Variants in CKAP5 observed in about 807,000 individuals in gnomAD.
CKAP5 encodes cytoskeleton-associated protein 5.
Under a neutral mutation model 232.8 loss-of-function variants are expected in CKAP5, and 27 were observed. The ratio of observed to expected loss-of-function variants is 0.12; its 90% confidence interval spans 0.09 to 0.16. The LOEUF is 0.16. CKAP5 is among the 10% of genes least tolerant of loss of function. The pLI is 1.00. For synonymous variants in CKAP5, 785 were observed against 841.1 expected (o/e 0.93, Z 1.16); for missense variants, 1,838 against 2,424.7 (o/e 0.76, Z 5.08).
At chr11:46,796,633 G>C (rs1160087681) in intron 12 of CKAP5, among the ~76,000 whole-genome samples, 179 bp downstream of exon 12, 2 of 151,924 alleles carry the variant, frequency 1.3e-5, no homozygotes, top group Admixed American at 6.6e-5. Context: ...AAGTACCAGA[G>C]AGCATCCTCC....
At chr11:46,836,061 T>C (rs1007838759) in intron 1 of CKAP5, among the ~76,000 whole-genome samples, 1 of 152,142 alleles carries the variant, frequency 6.6e-6, no homozygotes, top group Admixed American at 6.5e-5. Context: ...CTCCTCAAAA[T>C]GGTCATGGTC....
intron 1 of CKAP5, among the ~76,000 whole-genome samples, chr11:46,825,237 T>G (rs1469145102): frequency 6.6e-6 from 1 of 152,180 alleles, no homozygotes; most frequent in East Asian, 1.9e-4. Flanking sequence ...AAATAACAAA[T>G]TTCCTATTAA....
intron 35 of CKAP5, among the ~76,000 whole-genome samples, chr11:46,757,651 G>A (rs1221286293): frequency 1.3e-5 from 2 of 149,100 alleles, no homozygotes; most frequent in African/African-American, 4.9e-5. Flanking sequence ...ACACTGGCAC[G>A]ATTTCGGCTC....
chr11:46,745,517 C>T (rs1240158064), intron 42 of CKAP5, among the ~76,000 whole-genome samples: 1 of 152,170 alleles, frequency 6.6e-6, no homozygotes, highest in Non-Finnish European at 1.5e-5. Context: ...TGAACATCCC[C>T]AAAAAGGGCT....
In CKAP5 at chr11:46,762,200, G is replaced by A; in HGVS notation, c.4028-7C>T. On this transcript the variant is annotated splice_polypyrimidine_tract_variant and splice_region_variant and intron_variant, in intron 31 of 43. Coordinates refer to ENST00000529230, the MANE Select transcript of CKAP5 (RefSeq NM_001008938.4). ...CCCAGCTCTTCCAGGCACTCTGATG[G>A]GGGAGAAAGGCTAGATTAATGAGAC... 6.2e-7 allele frequency: 1 copy of A among 1,612,440 alleles called. No individual in the cohort carries two copies. The highest frequency in any genetic ancestry group is 8.5e-7 in the Non-Finnish European group (1 of 1,179,122).
chr11:46,826,657 C>G (rs1314921202), intron 1 of CKAP5: 2 of 152,348 alleles, frequency 1.3e-5, no homozygotes, highest in East Asian at 3.8e-4. Context: ...TACGCTCTTT[C>G]GCCGCCTTAG....
intron 16 of CKAP5, 62 bp from the exon 17 acceptor site, chr11:46,784,735 T>C (rs1013887855): frequency 1.8e-5 from 22 of 1,243,648 alleles, no homozygotes; most frequent in Non-Finnish European, 2.3e-5. Flanking sequence ...TATTTACTTG[T>C]ATTAACAGCA....
intron 42 of CKAP5, among the ~76,000 whole-genome samples, chr11:46,749,503 TATC>T (rs909884756): frequency 1.4e-5 from 2 of 147,632 alleles, no homozygotes; most frequent in Admixed American, 1.4e-4. Context: ...CAGGTGGAGA[TATC>T]ATGTAGGATA....
chr11:46,764,440 T>C (rs1303699118), intron 28 of CKAP5, among the ~76,000 whole-genome samples: 1 of 152,172 alleles, frequency 6.6e-6, no homozygotes, highest in Non-Finnish European at 1.5e-5. Context: ...CAAACAGTGA[T>C]ACACACATAT....
At chr11:46,771,841 T>C (rs1388055932) in intron 24 of CKAP5, among the ~76,000 whole-genome samples, 1 of 152,238 alleles carries the variant, frequency 6.6e-6, no homozygotes, top group African/African-American at 2.4e-5. Flanking sequence ...TTTAGTTTTA[T>C]AAGAAAATAC....
chr11:46,830,440 C>CAAAAAAA (rs71042623), intron 1 of CKAP5, among the ~76,000 whole-genome samples: 1 of 67,906 alleles, frequency 1.5e-5, no homozygotes, highest in Non-Finnish European at 2.8e-5. Context: ...GACTCCGTCT[C>CAAAAAAA]AAAAAAAAAA....
At chr11:46,761,854 T>C in intron 32 of CKAP5, 146 bp downstream of exon 32, 2 of 590,394 alleles carry the variant, frequency 3.4e-6, no homozygotes, top group South Asian at 4.8e-5. Context: ...CAAGGGTCTA[T>C]CTGGATTCTA....
intron 17 of CKAP5, among the ~76,000 whole-genome samples, chr11:46,783,988 G>T (rs571116403): frequency 2.9e-4 from 44 of 151,942 alleles, no homozygotes; most frequent in Non-Finnish European, 4.3e-4. Context: ...TTGCAGGTGT[G>T]AGCCTCTGTG....
At chr11:46,780,399 C>T (rs1239467875) in intron 19 of CKAP5, 29 bp downstream of exon 19, 2 of 1,613,064 alleles carry the variant, frequency 1.2e-6, no homozygotes, top group South Asian at 1.1e-5. Context: ...GATGGCAATA[C>T]TGCCCTATAT....
intron 27 of CKAP5, among the ~76,000 whole-genome samples, chr11:46,765,589 T>C (rs900169953): frequency 2.7e-5 from 4 of 149,150 alleles, no homozygotes; most frequent in Admixed American, 7.0e-5. Context: ...GCTTTCCATA[T>C]TAATGACATC....
chr11:46,770,913 G>T lies in CKAP5; in HGVS notation c.3061C>A (p.Pro1021Thr), dbSNP rs142680052. Residue 1021 changes from proline to threonine, a missense_variant, in exon 25 of 44, where the codon CCT becomes ACT. Coordinates refer to ENST00000529230, the MANE Select transcript of CKAP5 (RefSeq NM_001008938.4). ...STPTDLILCV[P>T]HLYSCLEDRN... ...TCTTCTAGGCAGGAGTAGAGATGAG[G>T]AACACAAAGGATAAGGTCTGTAGGG... The T allele has an allele frequency of 4.6e-5, 74 of 1,613,980 alleles. No individual in the cohort carries two copies. The highest frequency in any genetic ancestry group is 6.2e-5 in the Non-Finnish European group (73 of 1,180,018).
At position 46,743,440 on chromosome 11, in the gene CKAP5, G is replaced by GTAAT. The variant is rs1271459937; in HGVS notation, c.*579_*582dup. 2 of 154,586 alleles carry GTAAT rather than the reference G, an allele frequency of 1.3e-5. No homozygotes were observed. Among genetic ancestry groups the GTAAT allele is most frequent in the South Asian group, 2.0e-4 (1 of 4,996 alleles). 9.6% of individuals were successfully genotyped at this position (154,586 alleles called of 1,614,324 possible). A position where few individuals can be genotyped will look rare whatever the true frequency, so the allele number is the denominator to read the frequency against. ...AAGAAAAAGGGAAGCTCTGTAAGCA[G>GTAAT]TAATTAACCTTTCTCTAACTGGCTG... On this transcript the variant is annotated 3_prime_UTR_variant, in exon 44 of 44. Transcript: ENST00000529230.
At chr11:46,790,261 G>T in intron 14 of CKAP5, 75 bp from the exon 15 acceptor site, 2 of 1,014,314 alleles carry the variant, frequency 2.0e-6, no homozygotes, top group Non-Finnish European at 1.5e-6. Flanking sequence ...ACATACTCCA[G>T]CCAAAACTAA....
intron 13 of CKAP5, among the ~76,000 whole-genome samples, chr11:46,795,009 C>T (rs754323545): frequency 2.6e-5 from 4 of 152,056 alleles, no homozygotes; most frequent in Non-Finnish European, 5.9e-5. Context: ...TATAAACATA[C>T]TTAATATTAA....
Sources: allele counts gnomAD v4.1 joint callset (sites outside exome capture counted in the v4.1 genomes callset), GRCh38; gene constraint gnomAD v4.1.1; transcripts MANE v1.5; gene names NCBI Gene and HGNC (gene_info 2026-07-23, HGNC 2026-07-21).